Variants in TMEM132B observed in about 807,000 individuals in gnomAD.
The protein encoded by TMEM132B is transmembrane protein 132B.
In TMEM132B, 18 loss-of-function variants were observed where a neutral mutation model predicts 90.8. The ratio of observed to expected loss-of-function variants is 0.20; its 90% CI spans 0.14 to 0.29. TMEM132B has a LOEUF of 0.29. Ranked by LOEUF, TMEM132B falls within the 10% of genes least tolerant of loss-of-function variation. The pLI, the probability that TMEM132B is intolerant of heterozygous loss-of-function variation, is 1.00. For synonymous variants in TMEM132B, 504 were observed against 523.3 expected (o/e 0.96, Z 0.50); for missense variants, 1,096 against 1,326.8 (o/e 0.83, Z 2.70).
At chr12:125,533,412 C>T (rs1484709697) in intron 4 of TMEM132B, among the ~76,000 whole-genome samples, 2 of 152,236 alleles carry the variant, frequency 1.3e-5, no homozygotes, top group Non-Finnish European at 2.9e-5. Context: ...AGCCTCTCCC[C>T]TTCCCAGGGC....
intron 3 of TMEM132B, among the ~76,000 whole-genome samples, chr12:125,448,754 T>C (rs1881070099): frequency 6.6e-6 from 1 of 152,152 alleles, no homozygotes; most frequent in Non-Finnish European, 1.5e-5. Flanking sequence ...CCAAATTGTT[T>C]TTCAAAGTGA....
At chr12:125,404,555 C>T (rs1027150515) in intron 2 of TMEM132B, among the ~76,000 whole-genome samples, 12 of 152,182 alleles carry the variant, frequency 7.9e-5, no homozygotes, top group African/African-American at 2.4e-5. Context: ...TGCTGATCCA[C>T]GTCTTTGTTC....
At chr12:125,310,207 G>A (rs1425140689) in intron 1 of TMEM132B, among the ~76,000 whole-genome samples, 1 of 152,162 alleles carries the variant, frequency 6.6e-6, no homozygotes, top group African/African-American at 2.4e-5. Flanking sequence ...ATGTGAGATG[G>A]ATCTACTGGT....
intron 2 of TMEM132B, among the ~76,000 whole-genome samples, chr12:125,374,773 A>G (rs1878425119): frequency 1.3e-5 from 2 of 152,060 alleles, no homozygotes. Context: ...GAGGAAACAG[A>G]TAGAAAAAAG....
intron 1 of TMEM132B, among the ~76,000 whole-genome samples, chr12:125,235,802 CTT>C (rs61643412): frequency 2.8e-5 from 3 of 107,398 alleles, no homozygotes; most frequent in African/African-American, 3.7e-5. Flanking sequence ...CACTTCATTC[CTT>C]TTTTTTTTTT....
chr12:125,626,492 A>C (rs1886234664), intron 5 of TMEM132B, among the ~76,000 whole-genome samples: 1 of 152,200 alleles, frequency 6.6e-6, no homozygotes, highest in Non-Finnish European at 1.5e-5. Flanking sequence ...GTACTAAGGT[A>C]GTTAGCAATT....
At position 125,354,882 on chromosome 12, in the gene TMEM132B, C is replaced by T. The variant is rs141917257; in HGVS notation, c.959+4539C>T. Among the ~76,000 whole-genome samples, 842 of 152,200 alleles carry T rather than the reference C, an allele frequency of 5.5e-3. 10 individuals are homozygous for T. The highest frequency in any genetic ancestry group is 0.019 in the African/African-American group (786 of 41,540). ...CTGCATTTACCCTTTCTATACATTC[C>T]CTCACTGTGTTATCACAGCCAGCAT... On this transcript the variant is annotated intron_variant, in intron 2 of 8. Transcript: ENST00000682704.
At chr12:125,613,460 TA>T (rs1271391773) in intron 5 of TMEM132B, among the ~76,000 whole-genome samples, 1 of 151,516 alleles carries the variant, frequency 6.6e-6, no homozygotes, top group African/African-American at 2.4e-5. Flanking sequence ...TTATTATTGC[TA>T]TGTTTGAATT....
chr12:125,265,028 C>A (rs1488208185), intron 1 of TMEM132B, among the ~76,000 whole-genome samples: 1 of 152,222 alleles, frequency 6.6e-6, no homozygotes, highest in Non-Finnish European at 1.5e-5. Context: ...GCCTGCTACA[C>A]ACCTAGGCTA....
chr12:125,199,568 G>T (rs989044612), intron 1 of TMEM132B, among the ~76,000 whole-genome samples: 2 of 152,298 alleles, frequency 1.3e-5, no homozygotes, highest in African/African-American at 4.8e-5. Context: ...TATCTGTTCA[G>T]ATTGGGTTCA....
chr12:125,396,893 TAG>T (rs1879183793), intron 2 of TMEM132B, among the ~76,000 whole-genome samples: 1 of 152,088 alleles, frequency 6.6e-6, no homozygotes, highest in Non-Finnish European at 1.5e-5. Flanking sequence ...TTCACACAGC[TAG>T]AGTCTTGAAT....
At chr12:125,399,475 GTGTGTGTA>G (rs879302947) in intron 2 of TMEM132B, among the ~76,000 whole-genome samples, 4,609 of 55,778 alleles carry the variant, frequency 0.083, 176 homozygotes, top group East Asian at 0.34. Context: ...GTGTGTGTGT[GTGTGTGTA>G]TGTGTGTGTG....
chr12:125,339,155 T>G (rs552764134), intron 1 of TMEM132B, among the ~76,000 whole-genome samples: 16 of 152,270 alleles, frequency 1.1e-4, no homozygotes, highest in African/African-American at 3.9e-4. Context: ...TAATAGGATT[T>G]TGATAAAGAA....
chr12:125,449,686 T>TC (rs1262418828), intron 3 of TMEM132B, among the ~76,000 whole-genome samples: 1 of 151,926 alleles, frequency 6.6e-6, no homozygotes, highest in African/African-American at 2.4e-5. Flanking sequence ...GTGGGGTTTT[T>TC]TTTTTGCTTA....
chr12:125,612,389 G>T (rs138017206), intron 5 of TMEM132B, among the ~76,000 whole-genome samples: 5,567 of 151,650 alleles, frequency 0.037, 133 homozygotes, highest in Non-Finnish European at 0.061. Context: ...CTTGAACCCG[G>T]GAGGTGGAGG....
At chr12:125,265,363 A>G (rs1874663858) in intron 1 of TMEM132B, among the ~76,000 whole-genome samples, 1 of 152,066 alleles carries the variant, frequency 6.6e-6, no homozygotes, top group African/African-American at 2.4e-5. Flanking sequence ...AATTAGACAT[A>G]GTAAGAGATG....
At chr12:125,442,870 A>G (rs147790281) in intron 3 of TMEM132B, among the ~76,000 whole-genome samples, 99 of 152,326 alleles carry the variant, frequency 6.5e-4, no homozygotes, top group African/African-American at 2.3e-3. Flanking sequence ...GAGCAGGTTA[A>G]ATGAAGTTGA....
At chr12:125,315,358 C>A (rs1426945471) in intron 1 of TMEM132B, among the ~76,000 whole-genome samples, 1 of 152,204 alleles carries the variant, frequency 6.6e-6, no homozygotes, top group Non-Finnish European at 1.5e-5. Flanking sequence ...ACCACCACGT[C>A]TGGCTGATTT....
At chr12:125,194,249 C>G (rs1285268222) in intron 1 of TMEM132B, among the ~76,000 whole-genome samples, 1 of 150,262 alleles carries the variant, frequency 6.7e-6, no homozygotes, top group Non-Finnish European at 1.5e-5. Context: ...TGCTCCGAGC[C>G]TGGTCTGAAT....
Sources: allele counts gnomAD v4.1 joint callset (sites outside exome capture counted in the v4.1 genomes callset), GRCh38; gene constraint gnomAD v4.1.1; transcripts MANE v1.5; gene names NCBI Gene and HGNC (gene_info 2026-07-23, HGNC 2026-07-21).